The following PIK3CD variants were observed in gnomAD, a reference collection of about 807,000 sequenced individuals.
The protein encoded by PIK3CD is phosphatidylinositol 4,5-bisphosphate 3-kinase catalytic subunit delta isoform.
In PIK3CD, 20 loss-of-function variants were observed where a neutral mutation model predicts 122.9. That is an observed-to-expected ratio of 0.16 (90% CI 0.11 to 0.24). The LOEUF (loss-of-function observed/expected upper bound fraction) is 0.24, where lower values mean the gene tolerates loss of function less well. Ranked by LOEUF, PIK3CD falls within the 10% of genes least tolerant of loss-of-function variation. The pLI, the probability that PIK3CD is intolerant of heterozygous loss-of-function variation, is 1.00. For synonymous variants in PIK3CD, 596 were observed against 593.4 expected (o/e 1.00, Z -0.06); for missense variants, 787 against 1,406.3 (o/e 0.56, Z 7.04).
At chr1:9,707,920 A>G (rs1646903544) in intron 2 of PIK3CD, among the ~76,000 whole-genome samples, 1 of 151,204 alleles carries the variant, frequency 6.6e-6, no homozygotes, top group Non-Finnish European at 1.5e-5. Flanking sequence ...CAGCCTCCCA[A>G]GTAGCTGGGA....
chr1:9,719,827 TG>T lies in PIK3CD; in HGVS notation c.1243-91del. ...TGGTTGGGAGATGTTAGCTGGGCTC[TG>T]GGTCTTCTCGGGTGGGGTGCCTGGG... is the stretch of plus-strand genomic sequence containing the variant. On this transcript the variant is annotated intron_variant, in intron 9 of 23. Transcript: ENST00000377346. This position sits in a 1 kb window ranked among gnomAD's most constrained non-coding sequence, Gnocchi z 5.5. The T allele has an allele frequency of 1.0e-6, 1 of 992,426 alleles. No individual in the cohort carries two copies. Among genetic ancestry groups the T allele is most frequent in the Non-Finnish European group, 1.6e-6 (1 of 614,134 alleles). The allele number at this position is 992,426 out of a possible 1,614,324, so 61.5% of individuals were successfully genotyped here.
chr1:9,653,712 C>CT, intron 1 of PIK3CD: 1 of 981,182 alleles, frequency 1.0e-6, no homozygotes, highest in African/African-American at 1.7e-5. Context: ...ATAAATAGAG[C>CT]TTTCTCTTTG....
At chr1:9,716,278 G>A in intron 5 of PIK3CD, 162 bp from the exon 6 acceptor site, 1 of 816,618 alleles carries the variant, frequency 1.2e-6, no homozygotes, top group Non-Finnish European at 2.0e-6. Flanking sequence ...AGTGGCGTGG[G>A]GCATTGGGCA....
chr1:9,642,838 C>T, the PIK3CD span, among the ~76,000 whole-genome samples: 1 of 152,014 alleles, frequency 6.6e-6, no homozygotes, highest in Non-Finnish European at 1.5e-5. Flanking sequence ...TGCCTGTCAT[C>T]CCAGCACATT....
intron 2 of PIK3CD, among the ~76,000 whole-genome samples, chr1:9,695,766 C>T (rs574680874): frequency 1.3e-3 from 189 of 150,640 alleles, no homozygotes; most frequent in Non-Finnish European, 2.4e-3. Flanking sequence ...CGCTTGAACC[C>T]GGGAGGCGGA....
At chr1:9,687,839 C>T (rs1213052733) in intron 1 of PIK3CD, among the ~76,000 whole-genome samples, 4 of 152,162 alleles carry the variant, frequency 2.6e-5, no homozygotes, top group African/African-American at 7.2e-5. Context: ...CTAGGGACGG[C>T]CAGGGAAGAG....
At chr1:9,673,525 T>G (rs1645404378) in intron 1 of PIK3CD, among the ~76,000 whole-genome samples, 1 of 152,176 alleles carries the variant, frequency 6.6e-6, no homozygotes. Context: ...CGTCCTAAAG[T>G]GCTGGGATTA....
In PIK3CD at chr1:9,654,181, T is replaced by C. The variant is rs371710869; in HGVS notation, c.-138+2379T>C. 731 of 1,354,140 alleles carry C rather than the reference T, an allele frequency of 5.4e-4. 6 individuals carry two copies. The highest frequency in any genetic ancestry group is 4.6e-3 in the South Asian group (402 of 87,366). 83.9% of individuals were successfully genotyped at this position (1,354,140 alleles called of 1,614,324 possible). ...AGCCCCTGTTCAGAAACAGACTACA[T>C]TGGCCACACTACTCACTTAGATGTT... On this transcript the variant is annotated intron_variant, in intron 1 of 23. Coordinates refer to ENST00000377346, the MANE Select transcript of PIK3CD (RefSeq NM_005026.5).
At chr1:9,713,480 CTCT>C (rs1181452271) in intron 3 of PIK3CD, among the ~76,000 whole-genome samples, 1 of 152,148 alleles carries the variant, frequency 6.6e-6, no homozygotes, top group African/African-American at 2.4e-5. Flanking sequence ...CTGTTTTCTC[CTCT>C]ATGTACAGTG....
At chr1:9,658,220 C>CA (rs761449542) in intron 1 of PIK3CD, among the ~76,000 whole-genome samples, 9 of 151,558 alleles carry the variant, frequency 5.9e-5, no homozygotes, top group African/African-American at 2.2e-4. Flanking sequence ...CCCATCTCTG[C>CA]AAAAAATAAA....
intron 1 of PIK3CD, among the ~76,000 whole-genome samples, chr1:9,667,863 A>C (rs1645207705): frequency 6.8e-6 from 1 of 148,090 alleles, no homozygotes; most frequent in African/African-American, 2.5e-5. Flanking sequence ...TAGCCTCCCA[A>C]GTAGCTGGGA....
Position 9,724,742 on chromosome 1 carries a change from C to G in PIK3CD, c.2865-62C>G. The G allele has an allele frequency of 6.2e-7, 1 of 1,603,450 alleles. No homozygotes were observed. ...GGGAAGGGGCTGGTTGGATGCAGAG[C>G]GGCCCTCTGGCCTGTGGCTGGGAGT... On this transcript the variant is annotated intron_variant, in intron 22 of 23. Coordinates refer to ENST00000377346, the MANE Select transcript of PIK3CD (RefSeq NM_005026.5). The surrounding 1 kb of genome is among the most constrained non-coding windows in gnomAD (Gnocchi z 7.3).
rs1647027716 is a variant in PIK3CD, at chr1:9,710,934, C to T, written c.141+338C>T. The stretch of plus-strand genomic sequence containing the variant: ...CTGAGTAGCTGGGATTACAGGCATG[C>T]ACCATCACGCCCAACTAATTTTGTA... On this transcript the variant is annotated intron_variant, in intron 3 of 23. Coordinates refer to ENST00000377346, the MANE Select transcript of PIK3CD (RefSeq NM_005026.5). This position sits in a 1 kb window ranked among gnomAD's most constrained non-coding sequence, Gnocchi z 4.7. 6.6e-6 allele frequency among the ~76,000 whole-genome samples: 1 copy of T among 151,982 alleles called. No homozygotes were observed. Among genetic ancestry groups the T allele is most frequent in the Non-Finnish European group, 1.5e-5 (1 of 67,980 alleles).
chr1:9,661,084 G>A (rs143788099), intron 1 of PIK3CD, among the ~76,000 whole-genome samples: 33 of 152,068 alleles, frequency 2.2e-4, no homozygotes, highest in African/African-American at 7.2e-4. Flanking sequence ...ACAGGCATGC[G>A]CCACCACGCC....
In PIK3CD at chr1:9,689,113, C is replaced by G. The variant is rs1214715939; in HGVS notation, c.-137-2354C>G. The stretch of plus-strand genomic sequence containing the variant: ...CTGTGACCTGGGTCCAGTACCCCGC[C>G]CTTTCTGCGGATGCCTTGCAAAGCG... On this transcript the variant is annotated intron_variant, in intron 1 of 23. Coordinates refer to ENST00000377346, the MANE Select transcript of PIK3CD (RefSeq NM_005026.5). The surrounding 1 kb of genome is among the most constrained non-coding windows in gnomAD (Gnocchi z 6.1). Among the ~76,000 whole-genome samples the G allele has an allele frequency of 6.6e-6, 1 of 152,240 alleles. No homozygotes were observed. The highest frequency in any genetic ancestry group is 1.5e-5 in the Non-Finnish European group (1 of 68,042).
In PIK3CD at chr1:9,717,831, G is replaced by T. The variant is rs773363137; in HGVS notation, c.1020+205G>T. On this transcript the variant is annotated intron_variant, in intron 8 of 23. Transcript: ENST00000377346. The surrounding 1 kb of genome is among the most constrained non-coding windows in gnomAD (Gnocchi z 5.4). ...GCCAGCCGGCCCTGGAGGCTGATTC[G>T]TAGAAACTTGGGCCAAGCAGCGTTC... Among the ~76,000 whole-genome samples, 6 of 152,332 alleles carry T rather than the reference G, an allele frequency of 3.9e-5. No individual in the cohort carries two copies. In the South Asian group the frequency reaches 1.0e-3, roughly 26 times the overall value.
upstream of PIK3CD, among the ~76,000 whole-genome samples, chr1:9,646,791 A>G (rs1343739775): frequency 1.3e-5 from 2 of 151,884 alleles, no homozygotes; most frequent in African/African-American, 2.4e-5. Flanking sequence ...TATCTCTACT[A>G]AAAATACAAA....
rs573382597 is a variant in PIK3CD at position 9,666,227 on chromosome 1, C to CTT, written c.-138+14455_-138+14456dup. On this transcript the variant is annotated intron_variant, in intron 1 of 23. Coordinates refer to ENST00000377346, the MANE Select transcript of PIK3CD (RefSeq NM_005026.5). ...ACAGGCATGAGCCACCGCGCCCGGT[C>CTT]TTTTTTTTTTTTTTTTTTTTTTTTT... 5.9e-3 allele frequency among the ~76,000 whole-genome samples: 262 copies of CTT among 44,206 alleles called. 54 individuals are homozygous for CTT. Among genetic ancestry groups the CTT allele is most frequent in the African/African-American group, 6.9e-3 (57 of 8,218 alleles). 29.0% of individuals were successfully genotyped at this position (44,206 alleles called of 152,430 possible).
chr1:9,682,503 G>A (rs890098577), intron 1 of PIK3CD, among the ~76,000 whole-genome samples: 1 of 151,670 alleles, frequency 6.6e-6, no homozygotes, highest in Admixed American at 6.6e-5. Context: ...CTCCCAAAGC[G>A]CCGGGATTAT....
Sources: allele counts gnomAD v4.1 joint callset (sites outside exome capture counted in the v4.1 genomes callset), GRCh38; gene constraint gnomAD v4.1.1; non-coding constraint Gnocchi (gnomAD v3.1); transcripts MANE v1.5; gene names NCBI Gene and HGNC (gene_info 2026-07-23, HGNC 2026-07-21).